RABL3: variants seen among roughly 807,000 people sequenced by gnomAD.
The protein encoded by RABL3 is rab-like protein 3.
Under a neutral mutation model 31.8 loss-of-function variants are expected in RABL3, and 31 were observed. The ratio of observed to expected loss-of-function variants is 0.97; its 90% CI spans 0.73 to 1.31. The LOEUF is 1.31. Ranked by LOEUF, RABL3 falls within the 40% of genes most tolerant of loss-of-function variation. The pLI is 0.00. For synonymous variants in RABL3, 97 were observed against 99.9 expected, an observed-to-expected ratio of 0.97 and a Z score of 0.18; for missense variants, 263 against 279.6, an observed-to-expected ratio of 0.94 and a Z score of 0.42.
chr3:120,689,931 A>C (rs572521986), intron 7 of RABL3, 43 bp from the exon 8 acceptor site: 10 of 1,462,712 alleles, frequency 6.8e-6, no homozygotes, highest in Non-Finnish European at 8.6e-6. Context: ...CAAGCAATAA[A>C]AGTTCAAATA....
intron 2 of RABL3, among the ~76,000 whole-genome samples, chr3:120,730,472 T>C (rs1708869229): frequency 6.6e-6 from 1 of 152,134 alleles, no homozygotes; most frequent in Non-Finnish European, 1.5e-5. Flanking sequence ...ACTGTTCAAA[T>C]CTTGACTCTG....
chr3:120,716,479 C>G lies in RABL3; in HGVS notation c.139-6570G>C, dbSNP rs764018119. 2.6e-5 allele frequency among the ~76,000 whole-genome samples: 4 copies of G among 152,166 alleles called. No homozygotes were observed. In the South Asian group the frequency reaches 8.3e-4, roughly 31 times the overall value. On this transcript the variant is annotated intron_variant, in intron 2 of 7. Coordinates refer to ENST00000273375, the MANE Select transcript of RABL3 (RefSeq NM_173825.5). ...ACAATTACATCATCACTGCTATCAT[C>G]TCTATTTTTGGTTGGCTCTTAATAG...
At chr3:120,742,426 G>C (rs752403843) in intron 1 of RABL3, 36 bp downstream of exon 1, 1 of 1,606,814 alleles carries the variant, frequency 6.2e-7, no homozygotes, top group Non-Finnish European at 8.5e-7. Flanking sequence ...TAACTCAAAA[G>C]TGTCTGGAGC....
chr3:120,729,881 G>A (rs539816081), intron 2 of RABL3, among the ~76,000 whole-genome samples: 62 of 151,712 alleles, frequency 4.1e-4, no homozygotes, highest in African/African-American at 1.5e-3. Context: ...AAAGAGATGA[G>A]AACCATGACT....
intron 4 of RABL3, among the ~76,000 whole-genome samples, chr3:120,704,512 G>A (rs1342359892): frequency 1.3e-5 from 2 of 152,160 alleles, no homozygotes; most frequent in African/African-American, 2.4e-5. Flanking sequence ...ATTGGAGTAA[G>A]ACATAGATAT....
intron 1 of RABL3, among the ~76,000 whole-genome samples, chr3:120,733,934 T>C (rs950768320): frequency 2.6e-5 from 4 of 152,238 alleles, no homozygotes; most frequent in Non-Finnish European, 4.4e-5. Flanking sequence ...ACCAGTACCA[T>C]GCTGTTTTGG....
chr3:120,706,085 T>C lies in RABL3; in HGVS notation c.298A>G (p.Lys100Glu). ...CGACGCAAGTTTTGGGAGGACTTCT[T>C]ATTTGTTAAGTCGTGTACGAAAATA... Reference protein sequence around the residue: ...GIIFVHDLTNKKSSQNLRRWS... With the variant: ...GIIFVHDLTNEKSSQNLRRWS... The change falls in exon 4 of 8, where the codon AAG (lysine) becomes GAG (glutamate). Residue 100 changes from lysine (K) to glutamate (E), a missense_variant. Lys to Glu is a moderately conservative substitution (Grantham distance 56). Coordinates refer to ENST00000273375, the MANE Select transcript of RABL3 (RefSeq NM_173825.5). 6.2e-7 allele frequency: 1 copy of C among 1,613,132 alleles called. No homozygotes were observed. Among genetic ancestry groups the C allele is most frequent in the Non-Finnish European group, 8.5e-7 (1 of 1,179,108 alleles).
intron 6 of RABL3, among the ~76,000 whole-genome samples, chr3:120,690,768 G>A (rs1232273190): frequency 6.6e-6 from 1 of 152,108 alleles, no homozygotes; most frequent in Non-Finnish European, 1.5e-5. Flanking sequence ...AAGATCCTAT[G>A]CAATTCTTAG....
At chr3:120,690,376 A>G (rs1430596318) in intron 7 of RABL3, 73 bp downstream of exon 7, 1 of 1,110,274 alleles carries the variant, frequency 9.0e-7, no homozygotes, top group Admixed American at 1.8e-5. Flanking sequence ...TTTTAAAACT[A>G]CTTCTGAACT....
intron 3 of RABL3, 137 bp downstream of exon 3, chr3:120,709,643 G>A: frequency 6.7e-6 from 4 of 598,324 alleles, no homozygotes; most frequent in Non-Finnish European, 1.1e-5. Flanking sequence ...AATGTACTAT[G>A]CAGATTTAAA....
intron 2 of RABL3, among the ~76,000 whole-genome samples, chr3:120,726,760 T>G (rs893484810): frequency 2.0e-5 from 3 of 150,858 alleles, no homozygotes; most frequent in African/African-American, 4.9e-5. Context: ...ATAAATTAAA[T>G]AAATAAATAA....
At chr3:120,690,042 A>G (rs1708361514) in intron 7 of RABL3, among the ~76,000 whole-genome samples, 154 bp from the exon 8 acceptor site, 1 of 152,202 alleles carries the variant, frequency 6.6e-6, no homozygotes, top group South Asian at 2.1e-4. Context: ...CACAGATTAA[A>G]TAATAAAAAT....
At chr3:120,711,551 G>A (rs186393457) in intron 2 of RABL3, among the ~76,000 whole-genome samples, 2 of 152,048 alleles carry the variant, frequency 1.3e-5, no homozygotes, top group Admixed American at 1.3e-4. Flanking sequence ...TATATCATAC[G>A]CTCTTTTGCT....
chr3:120,709,773 G>GT lies in RABL3; in HGVS notation c.268+6dup, dbSNP rs755468381. On this transcript the variant is annotated splice_region_variant and intron_variant, in intron 3 of 7. Coordinates refer to ENST00000273375, the MANE Select transcript of RABL3 (RefSeq NM_173825.5). ...TAATATAAGATAGAAATTTAAAAAT[G>GT]TTTTACCATTTACGGAGTTGTAGAA... 1 of 1,601,360 alleles carries GT rather than the reference G, an allele frequency of 6.2e-7. No homozygotes were observed. Among genetic ancestry groups the GT allele is most frequent in the Admixed American group, 1.7e-5 (1 of 58,070 alleles).
At chr3:120,723,541 A>T (rs904783160) in intron 2 of RABL3, among the ~76,000 whole-genome samples, 18 of 152,336 alleles carry the variant, frequency 1.2e-4, no homozygotes, top group Non-Finnish European at 2.5e-4. Flanking sequence ...GCAATGCAAA[A>T]ATCCTCAATA....
At chr3:120,713,162 A>T (rs1166994240) in intron 2 of RABL3, among the ~76,000 whole-genome samples, 1 of 152,116 alleles carries the variant, frequency 6.6e-6, no homozygotes, top group Non-Finnish European at 1.5e-5. Flanking sequence ...ATTGTACCAA[A>T]CCTGTTAGCC....
At chr3:120,692,652 T>C (rs894928751) in intron 6 of RABL3, among the ~76,000 whole-genome samples, 12 of 152,176 alleles carry the variant, frequency 7.9e-5, no homozygotes, top group Non-Finnish European at 1.2e-4. Flanking sequence ...ATTCAGGCAA[T>C]AAAAGAGAAG....
intron 1 of RABL3, among the ~76,000 whole-genome samples, chr3:120,737,392 C>T (rs1228419643): frequency 2.0e-5 from 3 of 152,162 alleles, no homozygotes; most frequent in African/African-American, 7.2e-5. Context: ...TTAAGGACTT[C>T]TCTACATTGG....
chr3:120,689,951 A>T, intron 7 of RABL3, 63 bp from the exon 8 acceptor site: 1 of 1,328,394 alleles, frequency 7.5e-7, no homozygotes, highest in South Asian at 1.2e-5. Context: ...ACTAATAGTA[A>T]TTTTTCCCTT....
Sources: allele counts gnomAD v4.1 joint callset (sites outside exome capture counted in the v4.1 genomes callset), GRCh38; gene constraint gnomAD v4.1.1; transcripts MANE v1.5; gene names NCBI Gene and HGNC (gene_info 2026-07-23, HGNC 2026-07-21).